The following MTCL1 variants were observed in gnomAD, a reference collection of about 807,000 sequenced individuals.
The protein encoded by MTCL1 is microtubule crosslinking factor 1.
MTCL1 carries 79 observed loss-of-function variants against 141.4 expected under a neutral mutation model. The ratio of observed to expected loss-of-function variants is 0.56; its 90% CI spans 0.47 to 0.67. MTCL1 has a LOEUF of 0.67. Ranked by LOEUF, MTCL1 falls within the 30% of genes least tolerant of loss-of-function variation. The pLI is 0.00. For synonymous variants in MTCL1, 914 were observed against 875.8 expected, an observed-to-expected ratio of 1.04 and a Z score of -0.77; for missense variants, 2,177 against 2,113.9, an observed-to-expected ratio of 1.03 and a Z score of -0.59.
intron 5 of MTCL1, chr18:8,778,127 G>C: frequency 2.1e-6 from 1 of 472,068 alleles, no homozygotes; most frequent in Non-Finnish European, 3.7e-6. Context: ...TCAGGAAAAA[G>C]AACTGGCTTT....
intron 12 of MTCL1, among the ~76,000 whole-genome samples, chr18:8,814,332 G>A (rs1252443448): frequency 1.3e-5 from 2 of 152,148 alleles, no homozygotes; most frequent in African/African-American, 4.8e-5. Flanking sequence ...GACAGACCGA[G>A]ACCCCGTCTC....
chr18:8,719,403 A>C (rs757067640), intron 3 of MTCL1, among the ~76,000 whole-genome samples: 1 of 152,200 alleles, frequency 6.6e-6, no homozygotes, highest in Non-Finnish European at 1.5e-5. Flanking sequence ...CAGTGTGATA[A>C]AGGGTGATTT....
intron 1 of MTCL1, among the ~76,000 whole-genome samples, chr18:8,710,744 G>A (rs373091781): frequency 6.6e-6 from 1 of 151,040 alleles, no homozygotes; most frequent in African/African-American, 2.4e-5. Flanking sequence ...TGGGGGCAGG[G>A]AGTAAAGCTT....
chr18:8,719,671 T>C (rs1019362336), intron 3 of MTCL1, among the ~76,000 whole-genome samples: 2 of 152,126 alleles, frequency 1.3e-5, no homozygotes, highest in Non-Finnish European at 2.9e-5. Context: ...CAAGCAACCC[T>C]CCCATCTTCA....
chr18:8,764,775 T>C (rs1412889052), intron 4 of MTCL1, among the ~76,000 whole-genome samples: 1 of 152,222 alleles, frequency 6.6e-6, no homozygotes, highest in Non-Finnish European at 1.5e-5. Context: ...ACTGAGACTT[T>C]GTAAGGATGT....
chr18:8,770,904 A>C (rs1490752594), intron 4 of MTCL1, among the ~76,000 whole-genome samples: 1 of 152,156 alleles, frequency 6.6e-6, no homozygotes, highest in Non-Finnish European at 1.5e-5. Flanking sequence ...GTGTGAAAGG[A>C]AGCAGGCTCC....
At position 8,771,442 on chromosome 18, in the gene MTCL1, T is replaced by C. The variant is rs74434031; in HGVS notation, c.358-6391T>C. ...TCTAAATAATAAGAATCTGTAAGAA[T>C]TCTGAAAATTATCAGTCTGCATCTA... On this transcript the variant is annotated intron_variant, in intron 4 of 16. Transcript: ENST00000359865. Among the ~76,000 whole-genome samples the C allele has an allele frequency of 1.0e-2, 1,523 of 152,364 alleles. 28 individuals carry two copies. The highest frequency in any genetic ancestry group is 0.035 in the African/African-American group (1,442 of 41,576).
upstream of MTCL1, among the ~76,000 whole-genome samples, chr18:8,716,468 A>G (rs761484772): frequency 4.7e-4 from 71 of 152,120 alleles, no homozygotes; most frequent in Non-Finnish European, 9.1e-4. Context: ...ATTTTGTGCC[A>G]ACCCTTATTT....
At position 8,807,074 on chromosome 18, in the gene MTCL1, A is replaced by G. The variant is rs911793309; in HGVS notation, c.2604+14A>G. On this transcript the variant is annotated intron_variant, in intron 11 of 16. Coordinates refer to ENST00000359865, the Ensembl canonical transcript of MTCL1. ...CGTCTGGAACAGGTACCACCCTCCCAGGTCTCCCTCGATCCTGACTGTGTG... is the reference window on the plus strand; with the variant it reads ...CGTCTGGAACAGGTACCACCCTCCCGGGTCTCCCTCGATCCTGACTGTGTG... 2 of 1,608,186 alleles carry G rather than the reference A, an allele frequency of 1.2e-6. No individual in the cohort carries two copies. Among genetic ancestry groups the G allele is most frequent in the African/African-American group, 2.7e-5 (2 of 74,832 alleles).
chr18:8,720,162 T>C, intron 3 of MTCL1, 176 bp from the exon 3 acceptor site: 1 of 614,498 alleles, frequency 1.6e-6, no homozygotes, highest in Non-Finnish European at 2.7e-6. Flanking sequence ...GATGTTGATT[T>C]CATTTTTAAA....
In MTCL1 at chr18:8,798,086, G is replaced by C; in HGVS notation, c.2242-11G>C. 6.4e-7 allele frequency: 1 copy of C among 1,569,012 alleles called. No individual in the cohort carries two copies. The highest frequency in any genetic ancestry group is 8.6e-7 in the Non-Finnish European group (1 of 1,163,878). On this transcript the variant is annotated splice_polypyrimidine_tract_variant and intron_variant, in intron 9 of 16. Transcript: ENST00000359865. Reference sequence around the variant, plus strand: ...GCTGAAGCTGTGATCGTCACCTCCTGCCTGTTTCAGGGTGAACATCCAGAG... The same window carrying C: ...GCTGAAGCTGTGATCGTCACCTCCTCCCTGTTTCAGGGTGAACATCCAGAG...
At chr18:8,813,265 G>A (rs1468402560) in intron 12 of MTCL1, 32 bp downstream of exon 11, 2 of 1,600,760 alleles carry the variant, frequency 1.2e-6, no homozygotes, top group East Asian at 2.2e-5. Context: ...CTGGAGCATA[G>A]GCACAGAGTG....
intron 10 of MTCL1, chr18:8,802,265 CT>C (rs1416683345): frequency 1.3e-5 from 2 of 152,230 alleles, no homozygotes; most frequent in African/African-American, 4.8e-5. Context: ...TCTCCTGCCT[CT>C]GTCAAGGAGC....
At chr18:8,786,000 T>C (rs2096552460) in exon 7 of MTCL1, 1 of 1,606,590 alleles carries the variant, frequency 6.2e-7, no homozygotes, top group African/African-American at 1.3e-5. Flanking sequence ...CGGGAGAGCC[T>C]GCGCCTCCGA....
chr18:8,747,518 G>A (rs2096345704), intron 4 of MTCL1, among the ~76,000 whole-genome samples: 1 of 152,242 alleles, frequency 6.6e-6, no homozygotes, highest in Admixed American at 6.5e-5. Context: ...TCTTCCCTGT[G>A]TGTCTGAGTC....
At chr18:8,720,546 G>C in intron 4 of MTCL1, 50 bp downstream of exon 3, 1 of 1,559,384 alleles carries the variant, frequency 6.4e-7, no homozygotes. Flanking sequence ...ATAAGGAGGA[G>C]CTTGGAACTC....
chr18:8,752,774 T>G (rs2096378353), intron 4 of MTCL1, among the ~76,000 whole-genome samples: 1 of 152,238 alleles, frequency 6.6e-6, no homozygotes, highest in South Asian at 2.1e-4. Context: ...GGCACCCTAT[T>G]GCTGGGTGCG....
rs148375323 is a variant in MTCL1, at chr18:8,829,799, G to A, written c.*18+835G>A. Reference sequence around the variant, plus strand: ...ATCCCAGGACACCATGCCATGCAGCGACCACAGTGGCTTCTCGGGAAAGCG... The same window carrying A: ...ATCCCAGGACACCATGCCATGCAGCAACCACAGTGGCTTCTCGGGAAAGCG... On this transcript the variant is annotated intron_variant, in intron 16 of 16. Transcript: ENST00000359865. 118 of 985,216 alleles carry A rather than the reference G, an allele frequency of 1.2e-4. 2 individuals are homozygous for A. In the East Asian group the frequency reaches 6.9e-3, roughly 58 times the overall value. The allele number at this position is 985,216 out of a possible 1,614,324, so 61.0% of individuals were successfully genotyped here.
chr18:8,825,929 A>C, exon 15 of MTCL1: 1 of 1,607,860 alleles, frequency 6.2e-7, no homozygotes, highest in Non-Finnish European at 8.5e-7. Flanking sequence ...CTCGCTCAGC[A>C]GAGCCCCGAC....
Sources: gnomAD v4.1 joint callset for allele counts (sites outside exome capture counted in the v4.1 genomes callset) on GRCh38, gnomAD v4.1.1 for gene constraint, MANE v1.5 for transcripts, NCBI Gene and HGNC (gene_info 2026-07-23, HGNC 2026-07-21) for gene names.